The following NEGR1 variants were observed in gnomAD, a reference collection of about 807,000 sequenced individuals.
NEGR1 encodes IgLON family member 4.
A neutral mutation model predicts 40.9 loss-of-function variants in NEGR1; 10 were observed. The observed-to-expected ratio is 0.24, with a 90% CI of 0.15 to 0.42. The LOEUF is 0.42. Among genes scored for constraint, NEGR1 ranks in the 10% least tolerant of loss-of-function variants. The probability of loss-of-function intolerance (pLI) is 1.00; values close to 1 mark genes in which losing one functional copy is unlikely to be tolerated. For synonymous variants in NEGR1, 185 were observed against 166.8 expected (o/e 1.11, Z -0.84); for missense variants, 352 against 438.9 (o/e 0.80, Z 1.77).
intron 1 of NEGR1, among the ~76,000 whole-genome samples, chr1:72,083,797 T>C (rs866879711): frequency 2.4e-4 from 36 of 152,076 alleles, no homozygotes; most frequent in South Asian, 2.1e-4. Context: ...TGGGTTCCCA[T>C]ATGCCCATTT....
chr1:72,019,143 A>G (rs2100417165), intron 1 of NEGR1, among the ~76,000 whole-genome samples: 1 of 152,342 alleles, frequency 6.6e-6, no homozygotes, highest in Admixed American at 6.5e-5. Flanking sequence ...AGGCTTAAGC[A>G]ATGGAGTGAA....
chr1:72,020,698 C>T (rs1646748920), intron 1 of NEGR1, among the ~76,000 whole-genome samples: 1 of 152,060 alleles, frequency 6.6e-6, no homozygotes, highest in African/African-American at 2.4e-5. Context: ...ACTACAACAA[C>T]CACCACCACC....
chr1:72,018,741 G>A (rs1369332148), intron 1 of NEGR1, among the ~76,000 whole-genome samples: 3 of 152,178 alleles, frequency 2.0e-5, no homozygotes, highest in Non-Finnish European at 4.4e-5. Flanking sequence ...CACAAGGCCA[G>A]TATGGCTGCA....
At chr1:71,672,150 C>T (rs2101600909) in intron 4 of NEGR1, among the ~76,000 whole-genome samples, 1 of 152,176 alleles carries the variant, frequency 6.6e-6, no homozygotes, top group East Asian at 1.9e-4. Flanking sequence ...AGATTGAAGG[C>T]TTACCAGTTC....
intron 4 of NEGR1, among the ~76,000 whole-genome samples, chr1:71,641,026 C>T (rs972797270): frequency 6.6e-6 from 1 of 152,012 alleles, no homozygotes; most frequent in Non-Finnish European, 1.5e-5. Flanking sequence ...GCAAATTCTG[C>T]TCATGTTGAT....
At chr1:71,700,517 C>T (rs1570229625) in intron 3 of NEGR1, among the ~76,000 whole-genome samples, 1 of 151,920 alleles carries the variant, frequency 6.6e-6, no homozygotes, top group African/African-American at 2.4e-5. Context: ...TCTATGGCTG[C>T]CATAACAAAT....
chr1:72,177,989 C>T (rs1278950861), intron 1 of NEGR1, among the ~76,000 whole-genome samples: 1 of 151,988 alleles, frequency 6.6e-6, no homozygotes, highest in East Asian at 1.9e-4. Flanking sequence ...TCTAGAATCT[C>T]AAGGGCTTAC....
intron 6 of NEGR1, among the ~76,000 whole-genome samples, chr1:71,451,638 C>T (rs919853283): frequency 6.6e-6 from 1 of 152,104 alleles, no homozygotes; most frequent in Non-Finnish European, 1.5e-5. Context: ...TCACTACTTA[C>T]TCCACAGGGA....
chr1:71,813,545 T>C (rs1057277433), intron 2 of NEGR1, among the ~76,000 whole-genome samples: 12 of 152,306 alleles, frequency 7.9e-5, no homozygotes, highest in African/African-American at 2.6e-4. Context: ...TTTCATGATA[T>C]TGATTCTTCC....
At chr1:71,508,794 G>C (rs141446775) in intron 6 of NEGR1, among the ~76,000 whole-genome samples, 1 of 152,232 alleles carries the variant, frequency 6.6e-6, no homozygotes, top group Admixed American at 6.5e-5. Context: ...TCTGTCCAGG[G>C]GCTCCCCGCC....
At chr1:71,940,469 C>T (rs965567800) in intron 1 of NEGR1, among the ~76,000 whole-genome samples, 4 of 152,110 alleles carry the variant, frequency 2.6e-5, no homozygotes, top group Non-Finnish European at 5.9e-5. Context: ...GCACATAGTT[C>T]CAAACATCTG....
chr1:71,575,714 C>G (rs961891126), intron 6 of NEGR1, among the ~76,000 whole-genome samples: 1 of 152,124 alleles, frequency 6.6e-6, no homozygotes, highest in African/African-American at 2.4e-5. Context: ...ACCCGGGAGG[C>G]AGAGGTTGCA....
chr1:72,271,798 A>G (rs1222402544), intron 1 of NEGR1, among the ~76,000 whole-genome samples: 1 of 151,988 alleles, frequency 6.6e-6, no homozygotes, highest in East Asian at 1.9e-4. Flanking sequence ...AAGTAACTGA[A>G]TCATGAGAGG....
chr1:71,413,965 C>T (rs1028649168), intron 6 of NEGR1, among the ~76,000 whole-genome samples: 1 of 152,086 alleles, frequency 6.6e-6, no homozygotes, highest in African/African-American at 2.4e-5. Flanking sequence ...AATTACTTCC[C>T]TAGAAATTTC....
chr1:71,730,035 G>A (rs546511242), intron 3 of NEGR1, among the ~76,000 whole-genome samples: 2 of 152,002 alleles, frequency 1.3e-5, no homozygotes, highest in South Asian at 4.2e-4. Context: ...GTTAAACCTG[G>A]TCATTGAAAT....
In NEGR1 at chr1:71,967,276, G is replaced by A. The variant is rs75345107; in HGVS notation, c.177-31965C>T. On this transcript the variant is annotated intron_variant, in intron 1 of 6. Coordinates refer to ENST00000357731, the MANE Select transcript of NEGR1 (RefSeq NM_173808.3). ...AACTCTGTAATAAATGGATTATGAC[G>A]GTGGGAAAAGTCCATGCTGGGTGTT... Among the ~76,000 whole-genome samples, 1,058 of 152,158 alleles carry A rather than the reference G, an allele frequency of 7.0e-3. 15 individuals are homozygous for A. The highest frequency in any genetic ancestry group is 0.024 in the African/African-American group (986 of 41,512).
chr1:71,807,811 CAGTG>C (rs1657834629), intron 2 of NEGR1, among the ~76,000 whole-genome samples: 1 of 152,272 alleles, frequency 6.6e-6, no homozygotes, highest in South Asian at 2.1e-4. Flanking sequence ...GAGAGGGAAA[CAGTG>C]AGTATCATCA....
chr1:71,578,000 C>G (rs1347695043), intron 6 of NEGR1, among the ~76,000 whole-genome samples: 3 of 152,044 alleles, frequency 2.0e-5, no homozygotes, highest in Admixed American at 2.0e-4. Context: ...TTACATTCTG[C>G]CTTTCCTTAT....
chr1:71,695,858 C>T (rs1327550919), intron 4 of NEGR1, among the ~76,000 whole-genome samples: 6 of 151,764 alleles, frequency 4.0e-5, no homozygotes, highest in Non-Finnish European at 8.8e-5. Context: ...CTCTCTATGG[C>T]AAAGGGCAGG....
Sources: gnomAD v4.1 joint callset for allele counts (sites outside exome capture counted in the v4.1 genomes callset) on GRCh38, gnomAD v4.1.1 for gene constraint, MANE v1.5 for transcripts, NCBI Gene and HGNC (gene_info 2026-07-23, HGNC 2026-07-21) for gene names.